Variants in DCLK2 observed in about 807,000 individuals in gnomAD.
DCLK2 encodes doublecortin like kinase 2.
Under a neutral mutation model 78.4 loss-of-function variants are expected in DCLK2, and 31 were observed. The observed-to-expected ratio is 0.40, with a 90% CI of 0.30 to 0.53. The LOEUF (loss-of-function observed/expected upper bound fraction) is 0.53. Ranked by LOEUF, DCLK2 falls within the 20% of genes least tolerant of loss-of-function variation. The pLI is 0.61. For missense variants in DCLK2, 872 were observed against 973.7 expected (o/e 0.90, Z 1.39); for synonymous variants, 407 against 374.9 (o/e 1.09, Z -0.99).
At chr4:150,234,672 C>G (rs191317769) in intron 10 of DCLK2, among the ~76,000 whole-genome samples, 1 of 151,568 alleles carries the variant, frequency 6.6e-6, no homozygotes, top group Non-Finnish European at 1.5e-5. Context: ...GAAATTTTAT[C>G]TCACTGTCTT....
chr4:150,247,806 T>A, intron 13 of DCLK2, 107 bp downstream of exon 13: 1 of 826,188 alleles, frequency 1.2e-6, no homozygotes, highest in Non-Finnish European at 1.9e-6. Context: ...GCTCCTTGGC[T>A]TTTAATGTGT....
rs977158951 is a variant in DCLK2, at chr4:150,253,957, T to G, written c.2074-2063T>G. On this transcript the variant is annotated intron_variant, in intron 15 of 15. Coordinates refer to ENST00000296550, the MANE Select transcript of DCLK2 (RefSeq NM_001040260.4). ...TCAGTAAGTGTAATCTCAGCCAGCC[T>G]TTGGGATAAGAGAAGATAATTTAAT... The G allele has an allele frequency of 4.2e-6, 4 of 960,816 alleles. No homozygotes were observed. In the East Asian group the frequency reaches 4.6e-4, roughly 110 times the overall value. The allele number at this position is 960,816 out of a possible 1,614,324, so 59.5% of individuals were successfully genotyped here.
At chr4:150,137,589 T>A (rs1733788257) in intron 2 of DCLK2, among the ~76,000 whole-genome samples, 1 of 152,008 alleles carries the variant, frequency 6.6e-6, no homozygotes. Context: ...AAATAAATGT[T>A]GATGAAGAGC....
At chr4:150,119,093 T>C (rs1732334667) in intron 2 of DCLK2, among the ~76,000 whole-genome samples, 1 of 151,858 alleles carries the variant, frequency 6.6e-6, no homozygotes, top group South Asian at 2.1e-4. Context: ...GTTACATACA[T>C]TTGTGCACAT....
At chr4:150,240,174 A>AT (rs1278576983) in intron 11 of DCLK2, among the ~76,000 whole-genome samples, 8 of 152,242 alleles carry the variant, frequency 5.3e-5, no homozygotes, top group Non-Finnish European at 1.0e-4. Flanking sequence ...CTTGTGTTCT[A>AT]AGGCCACTCT....
At chr4:150,240,586 G>T in intron 12 of DCLK2, 110 bp downstream of exon 12, 19 of 290,294 alleles carry the variant, frequency 6.5e-5, no homozygotes, top group East Asian at 3.5e-4. Context: ...AAAAATGCCA[G>T]TTAAAAATTA....
intron 2 of DCLK2, among the ~76,000 whole-genome samples, chr4:150,167,561 G>T (rs1432200333): frequency 6.6e-6 from 1 of 152,200 alleles, no homozygotes; most frequent in Non-Finnish European, 1.5e-5. Context: ...CCTACCATTA[G>T]ATTATTAGCT....
chr4:150,089,449 T>C (rs1010407333), intron 1 of DCLK2, among the ~76,000 whole-genome samples: 13 of 152,228 alleles, frequency 8.5e-5, no homozygotes. Flanking sequence ...CTATATGTAC[T>C]ATGCCCTGTT....
At chr4:150,223,965 A>T (rs1164357944) in intron 7 of DCLK2, among the ~76,000 whole-genome samples, 1 of 146,044 alleles carries the variant, frequency 6.8e-6, no homozygotes, top group East Asian at 1.9e-4. Flanking sequence ...AAATATATTG[A>T]TAATAAAATT....
intron 3 of DCLK2, among the ~76,000 whole-genome samples, chr4:150,195,383 A>ATAT (rs1738907803): frequency 3.2e-4 from 1 of 3,116 alleles, no homozygotes; most frequent in African/African-American, 6.9e-4. Flanking sequence ...ATTATATAAT[A>ATAT]TATATATTAT....
rs1737801112 is a variant in DCLK2, at chr4:150,184,838, T to G, written c.757-8300T>G. Among the ~76,000 whole-genome samples the G allele has an allele frequency of 3.9e-5, 6 of 152,186 alleles. No individual in the cohort carries two copies. The South Asian group carries it at 1.2e-3, about 32-fold the overall frequency. ...GGATGGTCTCAATCTCCTGACCTCA[T>G]GATCCGCCCGCCTCAGCCTCCCAAA... On this transcript the variant is annotated intron_variant, in intron 2 of 15. Transcript: ENST00000296550.
At chr4:150,222,886 A>C (rs887766494) in intron 7 of DCLK2, among the ~76,000 whole-genome samples, 1 of 151,912 alleles carries the variant, frequency 6.6e-6, no homozygotes. Flanking sequence ...AAAAAATCAC[A>C]ATCAGCCTAC....
intron 2 of DCLK2, among the ~76,000 whole-genome samples, chr4:150,191,242 T>A (rs1432792145): frequency 6.6e-6 from 1 of 152,018 alleles, no homozygotes; most frequent in Non-Finnish European, 1.5e-5. Context: ...GTCAGTTGAA[T>A]GCACCCTTTG....
intron 8 of DCLK2, among the ~76,000 whole-genome samples, chr4:150,227,760 C>T (rs1741724074): frequency 6.6e-6 from 1 of 152,200 alleles, no homozygotes; most frequent in African/African-American, 2.4e-5. Context: ...GCTTTCTGTT[C>T]TGGTGCTTAG....
At chr4:150,100,773 T>C (rs1164211106) in intron 1 of DCLK2, among the ~76,000 whole-genome samples, 3 of 152,232 alleles carry the variant, frequency 2.0e-5, no homozygotes, top group Non-Finnish European at 4.4e-5. Context: ...TTTTCCCAGA[T>C]GATCATACTG....
intron 10 of DCLK2, among the ~76,000 whole-genome samples, chr4:150,234,498 G>A (rs1475032728): frequency 3.3e-5 from 5 of 152,218 alleles, no homozygotes; most frequent in African/African-American, 4.8e-5. Context: ...ACAGCCTGCT[G>A]TGAGCACCAC....
chr4:150,118,337 G>A (rs1254027646), intron 2 of DCLK2, among the ~76,000 whole-genome samples: 2 of 152,118 alleles, frequency 1.3e-5, no homozygotes, highest in Admixed American at 1.3e-4. Flanking sequence ...AATAAGTTGT[G>A]TTGCAAAATT....
At chr4:150,247,522 C>T (rs2126623239) in intron 12 of DCLK2, 81 bp from the exon 13 acceptor site, 3 of 1,219,216 alleles carry the variant, frequency 2.5e-6, no homozygotes, top group Non-Finnish European at 3.6e-6. Flanking sequence ...GGACTCCTTT[C>T]CCCGCTCTTC....
Position 150,147,031 on chromosome 4 carries a change from C to T in DCLK2, c.756+44219C>T, listed in dbSNP as rs1262643467. ...AAGTGTGGTGGCTCATGCCTATTAT[C>T]GCAGCACTTTGGGAGGCAGAGGCAG... On this transcript the variant is annotated intron_variant, in intron 2 of 15. Coordinates refer to ENST00000296550, the MANE Select transcript of DCLK2 (RefSeq NM_001040260.4). 5.3e-5 allele frequency among the ~76,000 whole-genome samples: 8 copies of T among 152,094 alleles called. No individual in the cohort carries two copies. The East Asian group carries it at 1.2e-3, about 22-fold the overall frequency.
Sources: allele counts gnomAD v4.1 joint callset (sites outside exome capture counted in the v4.1 genomes callset), GRCh38; gene constraint gnomAD v4.1.1; transcripts MANE v1.5; gene names NCBI Gene and HGNC (gene_info 2026-07-23, HGNC 2026-07-21).